The following RPGRIP1L variants were observed in gnomAD, a reference collection of about 807,000 sequenced individuals.
RPGRIP1L encodes the protein RPGRIP1 like.
Under a neutral mutation model 160.4 loss-of-function variants are expected in RPGRIP1L, and 131 were observed. The ratio of observed to expected loss-of-function variants is 0.82; its 90% CI spans 0.71 to 0.94. The LOEUF (loss-of-function observed/expected upper bound fraction) is 0.94. Ranked by LOEUF, RPGRIP1L falls within the 40% of genes least tolerant of loss-of-function variation. RPGRIP1L has a pLI of 0.00. For synonymous variants in RPGRIP1L, 510 were observed against 515.8 expected (o/e 0.99, Z 0.15); for missense variants, 1,522 against 1,535.8 (o/e 0.99, Z 0.15).
At position 53,600,620 on chromosome 16, in the gene RPGRIP1L, GCA is replaced by G. The variant is rs1387507676; in HGVS notation, c.*1454_*1455del. 3 of 152,600 alleles carry G rather than the reference GCA, an allele frequency of 2.0e-5. No homozygotes were observed. The highest frequency in any genetic ancestry group is 2.9e-5 in the Non-Finnish European group (2 of 68,040). The allele number at this position is 152,600 out of a possible 1,614,324, so 9.5% of individuals were successfully genotyped here. ...GAGAGTCATTATTGAAGCCATTAGAGCACAGATGGTTCAAACTATATGCAGAT... is the reference window on the plus strand; with the variant it reads ...GAGAGTCATTATTGAAGCCATTAGAGCAGATGGTTCAAACTATATGCAGAT... On this transcript the variant is annotated 3_prime_UTR_variant, in exon 27 of 27. Coordinates refer to ENST00000647211, the MANE Select transcript of RPGRIP1L (RefSeq NM_015272.5).
intron 22 of RPGRIP1L, among the ~76,000 whole-genome samples, chr16:53,633,748 T>G (rs1294120057): frequency 6.6e-6 from 1 of 152,238 alleles, no homozygotes; most frequent in Non-Finnish European, 1.5e-5. Context: ...GTGCACTATA[T>G]GCATATATAG....
Position 53,636,550 on chromosome 16 carries a change from A to G in RPGRIP1L, c.3221-38T>C, listed in dbSNP as rs11860764. On this transcript the variant is annotated intron_variant, in intron 21 of 26. Transcript: ENST00000647211. ...TAAAAGGGTAACATTTACACAAGTTAAACCAATTCTACTTATACCCTGTAA... is the reference window on the plus strand; with the variant it reads ...TAAAAGGGTAACATTTACACAAGTTGAACCAATTCTACTTATACCCTGTAA... 1,421 of 1,391,804 alleles carry G rather than the reference A, an allele frequency of 1.0e-3. 11 individuals carry two copies. In the African/African-American group the frequency reaches 0.018, roughly 17 times the overall value. 86.2% of individuals were successfully genotyped at this position (1,391,804 alleles called of 1,614,324 possible).
intron 6 of RPGRIP1L, among the ~76,000 whole-genome samples, chr16:53,679,283 G>C (rs563267089): frequency 6.6e-6 from 1 of 152,238 alleles, no homozygotes; most frequent in Admixed American, 6.5e-5. Context: ...ACTCCCAAAG[G>C]CTGGTTGGGA....
intron 23 of RPGRIP1L, among the ~76,000 whole-genome samples, chr16:53,620,967 A>G (rs1423358840): frequency 2.0e-5 from 3 of 152,224 alleles, no homozygotes; most frequent in Non-Finnish European, 2.9e-5. Flanking sequence ...TTATAGCAAT[A>G]ACATCTTATA....
chr16:53,663,991 T>G (rs1434093107), intron 10 of RPGRIP1L, among the ~76,000 whole-genome samples: 1 of 152,164 alleles, frequency 6.6e-6, no homozygotes, highest in South Asian at 2.1e-4. Context: ...AACGTAACTG[T>G]TTTTTAGTGA....
intron 16 of RPGRIP1L, among the ~76,000 whole-genome samples, chr16:53,646,366 C>T (rs995922189): frequency 2.0e-5 from 3 of 151,996 alleles, no homozygotes; most frequent in South Asian, 2.1e-4. Flanking sequence ...TACATTCACC[C>T]GCCCACCCAG....
intron 9 of RPGRIP1L, among the ~76,000 whole-genome samples, chr16:53,665,706 A>C (rs1037187666): frequency 6.6e-6 from 1 of 152,180 alleles, no homozygotes; most frequent in Non-Finnish European, 1.5e-5. Context: ...TTTGCTAATA[A>C]TCAAGACCCA....
chr16:53,622,338 C>T lies in RPGRIP1L; in HGVS notation c.3313G>A (p.Gly1105Arg), dbSNP rs528501990. ...GAGATCGCGCTACTGCACCCCAGCC[C>T]GGGAGACAATGCGAGACTCTGTCTC... ...NIKQSLALSP[G>R]LGCSSAISAH... Residue 1105 changes from glycine to arginine, a missense_variant, in exon 23 of 27, where the codon GGG becomes AGG. Coordinates refer to ENST00000647211, the MANE Select transcript of RPGRIP1L (RefSeq NM_015272.5). The T allele has an allele frequency of 2.0e-4, 121 of 614,724 alleles. 1 individual carries two copies. In the African/African-American group the frequency reaches 2.1e-3, roughly 11 times the overall value. 38.1% of individuals were successfully genotyped at this position (614,724 alleles called of 1,614,324 possible).
intron 10 of RPGRIP1L, among the ~76,000 whole-genome samples, chr16:53,662,387 C>A (rs1207783324): frequency 6.6e-6 from 1 of 152,098 alleles, no homozygotes; most frequent in Non-Finnish European, 1.5e-5. Context: ...CCTTCCCCCA[C>A]ATATTCACAC....
At chr16:53,636,941 GACACACACACACACACACAC>G (rs34373919) in intron 21 of RPGRIP1L, among the ~76,000 whole-genome samples, 46 of 142,218 alleles carry the variant, frequency 3.2e-4, no homozygotes, top group South Asian at 4.9e-4. Flanking sequence ...TGCAATATTT[GACACACACACACACACACAC>G]ACACACACAC....
chr16:53,698,908 A>C (rs1322108932), intron 2 of RPGRIP1L, among the ~76,000 whole-genome samples: 1 of 152,190 alleles, frequency 6.6e-6, no homozygotes, highest in Non-Finnish European at 1.5e-5. Flanking sequence ...CTCATTGAGA[A>C]TGGGCCATGA....
intron 7 of RPGRIP1L, among the ~76,000 whole-genome samples, chr16:53,674,435 A>G (rs1968987229): frequency 6.6e-6 from 1 of 152,172 alleles, no homozygotes; most frequent in East Asian, 1.9e-4. Context: ...CCTTGTTAAA[A>G]CAACCATGGG....
chr16:53,654,776 T>C (rs1396862527), intron 14 of RPGRIP1L, among the ~76,000 whole-genome samples: 2 of 152,164 alleles, frequency 1.3e-5, no homozygotes, highest in Admixed American at 6.5e-5. Flanking sequence ...TAGTAAAACT[T>C]GAAAGGAATG....
At chr16:53,656,312 G>C (rs951300297) in intron 14 of RPGRIP1L, among the ~76,000 whole-genome samples, 160 bp downstream of exon 14, 4 of 152,114 alleles carry the variant, frequency 2.6e-5, no homozygotes, top group African/African-American at 9.7e-5. Flanking sequence ...TAGGAATACT[G>C]CTGGAACCCA....
chr16:53,634,512 A>G (rs1297818186), intron 22 of RPGRIP1L, among the ~76,000 whole-genome samples: 1 of 152,162 alleles, frequency 6.6e-6, no homozygotes, highest in African/African-American at 2.4e-5. Flanking sequence ...TTTAATCCGC[A>G]GTGTGGCAGT....
chr16:53,702,388 T>G (rs780252257), intron 1 of RPGRIP1L, among the ~76,000 whole-genome samples: 2 of 152,192 alleles, frequency 1.3e-5, no homozygotes, highest in African/African-American at 2.4e-5. Flanking sequence ...TTAGGAGACA[T>G]AATAATGAAT....
chr16:53,680,037 T>C lies in RPGRIP1L; in HGVS notation c.777-4915A>G, dbSNP rs181120844. ...CTTCTAAGTTTTTTCCTCTAAGATC[T>C]TCCTAAGTTTTAACTTTCCCTCCAC... On this transcript the variant is annotated intron_variant, in intron 6 of 26. Transcript: ENST00000647211. 2.5e-4 allele frequency among the ~76,000 whole-genome samples: 38 copies of C among 152,146 alleles called. No individual in the cohort carries two copies. In the East Asian group the frequency reaches 5.8e-3, roughly 23 times the overall value.
chr16:53,684,915 G>A (rs1969885145), intron 6 of RPGRIP1L, among the ~76,000 whole-genome samples: 1 of 151,842 alleles, frequency 6.6e-6, no homozygotes, highest in South Asian at 2.1e-4. Context: ...TATGAACAGA[G>A]TAAACAGACA....
At chr16:53,677,121 G>A (rs945545819) in intron 6 of RPGRIP1L, among the ~76,000 whole-genome samples, 5 of 152,018 alleles carry the variant, frequency 3.3e-5, no homozygotes, top group Non-Finnish European at 5.9e-5. Context: ...TGGTTTAATC[G>A]GTGGGTGCTT....
Sources: gnomAD v4.1 joint callset for allele counts (sites outside exome capture counted in the v4.1 genomes callset) on GRCh38, gnomAD v4.1.1 for gene constraint, MANE v1.5 for transcripts, NCBI Gene and HGNC (gene_info 2026-07-23, HGNC 2026-07-21) for gene names.